The following PRIMA1 variants were observed in gnomAD, a reference collection of about 807,000 sequenced individuals.
PRIMA1 encodes proline rich membrane anchor 1, also known as proline-rich membrane anchor 1.
In PRIMA1, 7 loss-of-function variants were observed where a neutral mutation model predicts 17.5. That is an observed-to-expected ratio of 0.40 (90% CI 0.23 to 0.75). The LOEUF is 0.75. Among genes scored for constraint, PRIMA1 ranks in the 30% least tolerant of loss-of-function variants. The pLI is 0.37. For missense variants in PRIMA1, 200 were observed against 201.8 expected (o/e 0.99, Z 0.05); for synonymous variants, 97 against 77.9 (o/e 1.25, Z -1.29).
intron 4 of PRIMA1, among the ~76,000 whole-genome samples, chr14:93,728,583 ACTT>A (rs994096458): frequency 1.3e-5 from 2 of 152,000 alleles, no homozygotes; most frequent in African/African-American, 4.8e-5. Flanking sequence ...TCACCTGAAG[ACTT>A]CTTAAATGGG....
At chr14:93,755,855 T>C (rs1485769805) in intron 3 of PRIMA1, among the ~76,000 whole-genome samples, 1 of 151,834 alleles carries the variant, frequency 6.6e-6, no homozygotes, top group Non-Finnish European at 1.5e-5. Context: ...GAACCCAGCA[T>C]TGTACCCACG....
Position 93,726,236 on chromosome 14 carries a change from C to A in PRIMA1, c.360-4690G>T, listed in dbSNP as rs1258817010. ...ACTGTGCCTCCACCGGCATCTTTGG[C>A]CTGGGCAAGGAGGGCCAGGACCCAG... On this transcript the variant is annotated intron_variant, in intron 4 of 4. Transcript: ENST00000393140. The surrounding 1 kb of genome is among the most constrained non-coding windows in gnomAD (Gnocchi z 4.2). 1.3e-5 allele frequency among the ~76,000 whole-genome samples: 2 copies of A among 152,198 alleles called. No individual in the cohort carries two copies. Among genetic ancestry groups the A allele is most frequent in the Non-Finnish European group, 2.9e-5 (2 of 68,026 alleles).
At chr14:93,779,435 G>A (rs556857601) in intron 2 of PRIMA1, 124 bp from the exon 3 acceptor site, 1 of 788,870 alleles carries the variant, frequency 1.3e-6, no homozygotes, top group Non-Finnish European at 2.0e-6. Flanking sequence ...CCAAGACCAA[G>A]GCAGGAAGAA....
At chr14:93,779,998 G>A (rs1885333830) in intron 2 of PRIMA1, among the ~76,000 whole-genome samples, 1 of 152,202 alleles carries the variant, frequency 6.6e-6, no homozygotes, top group African/African-American at 2.4e-5. Flanking sequence ...CACCCCTCGT[G>A]GGATCATGTG....
At chr14:93,732,503 G>A (rs8007191) in intron 4 of PRIMA1, among the ~76,000 whole-genome samples, 53,739 of 152,070 alleles carry the variant, frequency 0.35, 9,583 homozygotes, top group Middle Eastern at 0.43. Flanking sequence ...GTGATCCACC[G>A]TTCTTTGGGG....
chr14:93,722,806 C>T (rs1345539800), intron 4 of PRIMA1, among the ~76,000 whole-genome samples: 5 of 958 alleles, frequency 5.2e-3, no homozygotes, highest in Non-Finnish European at 0.02. Flanking sequence ...GATGGGGTGG[C>T]GATGATAGTG....
At chr14:93,758,228 C>T (rs2076304332) in intron 3 of PRIMA1, among the ~76,000 whole-genome samples, 1 of 152,160 alleles carries the variant, frequency 6.6e-6, no homozygotes, top group Non-Finnish European at 1.5e-5. Flanking sequence ...CACATCAAGT[C>T]TTTAAAGACG....
chr14:93,771,266 G>A (rs549902249), intron 3 of PRIMA1, among the ~76,000 whole-genome samples: 225 of 152,264 alleles, frequency 1.5e-3, no homozygotes, highest in Non-Finnish European at 2.8e-3. Context: ...GTTTCAATAT[G>A]AGGCAGCCCT....
In PRIMA1 at chr14:93,744,629, G is replaced by A. The variant is rs114173052; in HGVS notation, c.230-7259C>T. On this transcript the variant is annotated intron_variant, in intron 3 of 4. Transcript: ENST00000393140. The stretch of plus-strand genomic sequence containing the variant: ...GAGAAATCTCCTTTGGGATGTGACT[G>A]GATGAACACGGTGCCCTTGTGCGCC... Among the ~76,000 whole-genome samples, 887 of 152,344 alleles carry A rather than the reference G, an allele frequency of 5.8e-3. 6 individuals are homozygous for A. Among genetic ancestry groups the A allele is most frequent in the African/African-American group, 0.02 (812 of 41,584 alleles).
At chr14:93,747,842 TGA>T (rs1415282718) in intron 3 of PRIMA1, among the ~76,000 whole-genome samples, 1 of 149,686 alleles carries the variant, frequency 6.7e-6, no homozygotes, top group Non-Finnish European at 1.5e-5. Context: ...TGAGAGTGTA[TGA>T]GTGTGTGTAT....
chr14:93,741,874 G>A (rs902435299), intron 3 of PRIMA1, among the ~76,000 whole-genome samples: 1 of 152,074 alleles, frequency 6.6e-6, no homozygotes, highest in African/African-American at 2.4e-5. Context: ...GGCAGGAGTT[G>A]ACATCTCAGG....
At chr14:93,774,909 G>A (rs1357446824) in intron 3 of PRIMA1, among the ~76,000 whole-genome samples, 2 of 152,226 alleles carry the variant, frequency 1.3e-5, no homozygotes, top group East Asian at 3.8e-4. Context: ...AAGAAATTGA[G>A]GCTTAGGTTA....
intron 3 of PRIMA1, among the ~76,000 whole-genome samples, chr14:93,745,067 G>A (rs2076208535): frequency 6.6e-6 from 1 of 152,154 alleles, no homozygotes; most frequent in Admixed American, 6.5e-5. Context: ...GGCTTGGCCT[G>A]TTTTGGGGCA....
intron 3 of PRIMA1, among the ~76,000 whole-genome samples, chr14:93,747,970 TGTGA>T (rs1360820763): frequency 1.9e-4 from 28 of 148,956 alleles, no homozygotes; most frequent in African/African-American, 4.7e-4. Flanking sequence ...TGTATAAGTG[TGTGA>T]GTATGAGTTG....
intron 4 of PRIMA1, 36 bp from the exon 5 acceptor site, chr14:93,721,582 A>T: frequency 8.1e-7 from 1 of 1,236,002 alleles, no homozygotes; most frequent in Non-Finnish European, 1.2e-6. Context: ...AAGGCAAAGG[A>T]GGGGGAGGCA....
At chr14:93,739,942 T>C (rs1252530829) in intron 3 of PRIMA1, among the ~76,000 whole-genome samples, 4 of 152,086 alleles carry the variant, frequency 2.6e-5, no homozygotes, top group African/African-American at 2.4e-5. Context: ...GGCAGGCACC[T>C]GTAATCCCAG....
rs1368483888 is a variant in PRIMA1 at position 93,772,027 on chromosome 14, A to G, written c.229+7149T>C. Among the ~76,000 whole-genome samples the G allele has an allele frequency of 3.3e-5, 5 of 152,340 alleles. No homozygotes were observed. In the South Asian group the frequency reaches 1.0e-3, roughly 32 times the overall value. On this transcript the variant is annotated intron_variant, in intron 3 of 4. Coordinates refer to ENST00000393140, the MANE Select transcript of PRIMA1 (RefSeq NM_178013.4). ...GCTCCGCATAAAAATTGGCAATAATACCACCTATTACAAAGAAGGGTTTGA... is the reference window on the plus strand; with the variant it reads ...GCTCCGCATAAAAATTGGCAATAATGCCACCTATTACAAAGAAGGGTTTGA...
At chr14:93,785,574 C>G (rs1885500376) in intron 2 of PRIMA1, among the ~76,000 whole-genome samples, 1 of 152,182 alleles carries the variant, frequency 6.6e-6, no homozygotes, top group Non-Finnish European at 1.5e-5. Context: ...ACTCCTATGA[C>G]ATGACAGATT....
intron 3 of PRIMA1, among the ~76,000 whole-genome samples, chr14:93,766,658 C>T (rs1884899205): frequency 6.6e-6 from 1 of 152,200 alleles, no homozygotes; most frequent in South Asian, 2.1e-4. Context: ...TTCAACAAAC[C>T]TTTGGTAAAC....
Sources: allele counts gnomAD v4.1 joint callset (sites outside exome capture counted in the v4.1 genomes callset), GRCh38; gene constraint gnomAD v4.1.1; non-coding constraint Gnocchi (gnomAD v3.1); transcripts MANE v1.5; gene names NCBI Gene and HGNC (gene_info 2026-07-23, HGNC 2026-07-21).